Variants in MACF1 observed in about 807,000 individuals in gnomAD.
MACF1 encodes microtubule actin crosslinking factor 1.
Under a neutral mutation model 854.8 loss-of-function variants are expected in MACF1, and 193 were observed. The ratio of observed to expected loss-of-function variants is 0.23; its 90% CI spans 0.20 to 0.25. The LOEUF (loss-of-function observed/expected upper bound fraction) is 0.25. Ranked by LOEUF, MACF1 falls within the 10% of genes least tolerant of loss-of-function variation. The pLI is 1.00. For missense variants in MACF1, 7,722 were observed against 8,929.1 expected, an observed-to-expected ratio of 0.86 and a Z score of 5.45; for synonymous variants, 3,185 against 3,226.7, an observed-to-expected ratio of 0.99 and a Z score of 0.44.
intron 47 of MACF1, 62 bp downstream of exon 47, chr1:39,359,326 A>G (rs1647859700): frequency 1.9e-6 from 3 of 1,562,792 alleles, no homozygotes; most frequent in Non-Finnish European, 2.6e-6. Flanking sequence ...TCTATTCTGC[A>G]ATATGTCACA....
chr1:39,294,436 A>T (rs1431314789), intron 18 of MACF1, among the ~76,000 whole-genome samples: 1 of 152,220 alleles, frequency 6.6e-6, no homozygotes. Flanking sequence ...GTTCTTAAAA[A>T]ATATAGGCTT....
At position 39,225,217 on chromosome 1, in the gene MACF1, C is replaced by CTTTTTTCTT. The variant is rs1553171335; in HGVS notation, c.110-5959_110-5958insCTTTTTTTT. On this transcript the variant is annotated intron_variant, in intron 1 of 100. Coordinates refer to ENST00000564288, the MANE Select transcript of MACF1 (RefSeq NM_001394062.1). ...AACAAATAGCAAATTTTTCTTTTTT[C>CTTTTTTCTT]TTTTTTTTTTGAGACGGAGTCTCGC... 1.6e-5 allele frequency among the ~76,000 whole-genome samples: 2 copies of CTTTTTTCTT among 125,198 alleles called. 1 individual carries two copies. Among genetic ancestry groups the CTTTTTTCTT allele is most frequent in the African/African-American group, 6.1e-5 (2 of 32,536 alleles). 82.1% of individuals were successfully genotyped at this position (125,198 alleles called of 152,430 possible).
chr1:39,245,154 A>G (rs975136470), intron 2 of MACF1, among the ~76,000 whole-genome samples: 4 of 152,244 alleles, frequency 2.6e-5, no homozygotes, highest in Admixed American at 1.3e-4. Context: ...AATTTTGAGA[A>G]AGAAACATTA....
chr1:39,331,418 G>T lies in MACF1; in HGVS notation c.4830G>T (p.Gln1610His). ...ARNLINPQMY[Q>H]QLRELQDALA... Reference sequence around the variant, plus strand: ...ACCTCATTAATCCCCAGATGTACCAGCAGCTCCGGGAGCTACAGGATGCCC... The same window carrying T: ...ACCTCATTAATCCCCAGATGTACCATCAGCTCCGGGAGCTACAGGATGCCC... Residue 1610 changes from glutamine to histidine, a missense_variant, in exon 37 of 101, where the codon CAG (glutamine) becomes CAT (histidine). By Grantham distance (24) the Gln-to-His change is conservative. Around this residue, in one of 15 missense-constraint regions of MACF1, gnomAD observed 1,531 missense variants for 1,601.6 expected, o/e 0.96. Transcript: ENST00000564288. 6.2e-7 allele frequency: 1 copy of T among 1,614,084 alleles called. No individual in the cohort carries two copies. Among genetic ancestry groups the T allele is most frequent in the South Asian group, 1.1e-5 (1 of 91,080 alleles).
At chr1:39,314,838 T>C (rs988199851) in intron 26 of MACF1, among the ~76,000 whole-genome samples, 1 of 152,236 alleles carries the variant, frequency 6.6e-6, no homozygotes. Flanking sequence ...CATTTATTTA[T>C]AGTTCCTTAT....
At chr1:39,434,012 G>A (rs188130752) in intron 68 of MACF1, among the ~76,000 whole-genome samples, 225 of 152,206 alleles carry the variant, frequency 1.5e-3, no homozygotes, top group Non-Finnish European at 2.2e-3. Context: ...CCCAGGAGGC[G>A]GAGGTTACAG....
intron 2 of MACF1, among the ~76,000 whole-genome samples, chr1:39,194,514 C>T (rs183516710): frequency 4.8e-4 from 73 of 151,516 alleles, no homozygotes; most frequent in African/African-American, 1.4e-3. Context: ...CCACCATGCC[C>T]GGCTAATTTT....
In MACF1 at chr1:39,211,724, T is replaced by C. The variant is rs1483083269; in HGVS notation, c.109+6593T>C. Among the ~76,000 whole-genome samples the C allele has an allele frequency of 2.6e-5, 4 of 152,032 alleles. No individual in the cohort carries two copies. In the East Asian group the frequency reaches 7.8e-4, roughly 30 times the overall value. On this transcript the variant is annotated intron_variant, in intron 1 of 100. Coordinates refer to ENST00000564288, the MANE Select transcript of MACF1 (RefSeq NM_001394062.1). ...GGTAAAACCCTGTCTCTACTAAAAATACAAAAATTAGCCAGGTGCTGTGGT... is the reference window on the plus strand; with the variant it reads ...GGTAAAACCCTGTCTCTACTAAAAACACAAAAATTAGCCAGGTGCTGTGGT...
chr1:39,184,049 T>G (rs1015907451), intron 2 of MACF1, among the ~76,000 whole-genome samples: 3 of 152,242 alleles, frequency 2.0e-5, no homozygotes, highest in African/African-American at 7.2e-5. Flanking sequence ...ATGGTGTGGC[T>G]GCCTGGGCAG....
intron 60 of MACF1, 134 bp downstream of exon 60, chr1:39,423,034 A>G (rs1225488238): frequency 1.3e-6 from 1 of 746,592 alleles, no homozygotes; most frequent in Non-Finnish European, 2.1e-6. Context: ...CTGAAAAGAA[A>G]GGTGGAAATT....
intron 2 of MACF1, among the ~76,000 whole-genome samples, chr1:39,166,372 C>T (rs1643881900): frequency 6.6e-6 from 1 of 151,546 alleles, no homozygotes; most frequent in Non-Finnish European, 1.5e-5. Context: ...CCTACTGGCA[C>T]TAGATATTTA....
intron 6 of MACF1, among the ~76,000 whole-genome samples, chr1:39,265,741 G>GC: frequency 6.6e-6 from 1 of 152,300 alleles, no homozygotes; most frequent in African/African-American, 2.4e-5. Flanking sequence ...CGAAAAATAA[G>GC]CTGGACCATT....
chr1:39,363,959 G>A (rs573429973), intron 49 of MACF1, among the ~76,000 whole-genome samples: 1 of 152,256 alleles, frequency 6.6e-6, no homozygotes, highest in Admixed American at 6.5e-5. Flanking sequence ...TTCCGAAATT[G>A]TGCTATTACT....
At position 39,437,816 on chromosome 1, in the gene MACF1, A is replaced by G; in HGVS notation, c.18028A>G (p.Asn6010Asp). The G allele has an allele frequency of 6.2e-7, 1 of 1,614,156 alleles. No individual in the cohort carries two copies. Among genetic ancestry groups the G allele is most frequent in the Non-Finnish European group, 8.5e-7 (1 of 1,180,018 alleles). The part of the protein sequence containing the change: ...KIEPMLETLE[N>D]LSSRLRMPPL... ...TGAGCCTATGTTGGAGACACTGGAG[A>G]ATCTTTCCTCTCGCCTGCGTATGCC... The change falls in exon 71 of 101, where the codon AAT (asparagine) becomes GAT (aspartate). Residue 6010 changes from asparagine (N) to aspartate (D), a missense_variant. Transcript: ENST00000564288.
rs1648181415 is a variant in MACF1 at position 39,361,421 on chromosome 1, C to T, written c.12515C>T (p.Thr4172Ile). 2 of 1,614,006 alleles carry T rather than the reference C, an allele frequency of 1.2e-6. No homozygotes were observed. The highest frequency in any genetic ancestry group is 1.3e-5 in the African/African-American group (1 of 74,934). Residue 4172 changes from threonine (T) to isoleucine (I), a missense_variant, in exon 49 of 101, where the codon ACC becomes ATC. Physicochemically the swap from Thr to Ile is moderately conservative, Grantham distance 89. Around this residue, in one of 15 missense-constraint regions of MACF1, gnomAD observed 2,807 missense variants for 3,235.8 expected, o/e 0.87. Coordinates refer to ENST00000564288, the MANE Select transcript of MACF1 (RefSeq NM_001394062.1). ...SSLEATREMV[T>I]RFMETADSTT... ...TTGGAGGCCACCCGTGAGATGGTGA[C>T]CCGATTCATGGAGACAGCAGACAGT...
intron 80 of MACF1, among the ~76,000 whole-genome samples, chr1:39,445,179 C>T (rs1169578403): frequency 5.3e-5 from 8 of 152,102 alleles, no homozygotes; most frequent in African/African-American, 9.7e-5. Flanking sequence ...TAGGGACTGA[C>T]GAATAATTCT....
At chr1:39,300,592 T>C (rs1054495732) in intron 22 of MACF1, among the ~76,000 whole-genome samples, 2 of 152,150 alleles carry the variant, frequency 1.3e-5, no homozygotes, top group Non-Finnish European at 2.9e-5. Context: ...ATCTACTCAG[T>C]TGCCTAAGTG....
intron 1 of MACF1, among the ~76,000 whole-genome samples, chr1:39,229,641 G>GTA (rs1644756712): frequency 6.6e-6 from 1 of 152,228 alleles, no homozygotes; most frequent in Admixed American, 6.5e-5. Context: ...GAATGTAGTA[G>GTA]TAGGCAGTTA....
chr1:39,243,073 A>G (rs1354019045), intron 2 of MACF1, among the ~76,000 whole-genome samples: 1 of 152,210 alleles, frequency 6.6e-6, no homozygotes, highest in East Asian at 1.9e-4. Context: ...GCAGTGTATG[A>G]GGGTTCTAGA....
Sources: gnomAD v4.1 joint callset for allele counts (sites outside exome capture counted in the v4.1 genomes callset) on GRCh38, gnomAD v4.1.1 for gene constraint, gnomAD v4.1.1 regional missense constraint, MANE v1.5 for transcripts, NCBI Gene and HGNC (gene_info 2026-07-23, HGNC 2026-07-21) for gene names.